MTTP: variants seen among roughly 807,000 people sequenced by gnomAD.
MTTP encodes microsomal triglyceride transfer protein.
In MTTP, 49 loss-of-function variants were observed where a neutral mutation model predicts 90.6. The observed-to-expected ratio is 0.54, with a 90% confidence interval of 0.43 to 0.69. The LOEUF is 0.69. Among genes scored for constraint, MTTP ranks in the 30% least tolerant of loss-of-function variants. The probability of loss-of-function intolerance (pLI) is 0.00; values close to 1 mark genes in which losing one functional copy is unlikely to be tolerated. For missense variants in MTTP, 945 were observed against 1,067.5 expected, an observed-to-expected ratio of 0.89 and a Z score of 1.60; for synonymous variants, 347 against 384.2, an observed-to-expected ratio of 0.90 and a Z score of 1.13.
At chr4:99,587,682 T>A (rs1725290583) in intron 3 of MTTP, among the ~76,000 whole-genome samples, 1 of 152,150 alleles carries the variant, frequency 6.6e-6, no homozygotes, top group East Asian at 1.9e-4. Flanking sequence ...CTAAAGTATT[T>A]AAGGTTCATA....
rs541274832 is a variant in MTTP at position 99,585,947 on chromosome 4, TCA to T, written c.393+2431_393+2432del. On this transcript the variant is annotated intron_variant, in intron 3 of 17. Coordinates refer to ENST00000265517, the MANE Select transcript of MTTP (RefSeq NM_001386140.1). ...AAAGATCATTACTTAAATTATCATT[TCA>T]GTTTACTATGAGAGAAATTATGGAC... is the stretch of plus-strand genomic sequence containing the variant. Among the ~76,000 whole-genome samples the T allele has an allele frequency of 3.5e-3, 531 of 152,286 alleles. 4 individuals are homozygous for T. The highest frequency in any genetic ancestry group is 6.0e-3 in the South Asian group (29 of 4,830).
chr4:99,613,221 A>C lies in MTTP; in HGVS notation c.2217+81A>C. 4 of 1,271,608 alleles carry C rather than the reference A, an allele frequency of 3.1e-6. No individual in the cohort carries two copies. The South Asian group carries it at 5.1e-5, about 16-fold the overall frequency. 78.8% of individuals were successfully genotyped at this position (1,271,608 alleles called of 1,614,324 possible). A position where few individuals can be genotyped will look rare whatever the true frequency, so the allele number is the denominator to read the frequency against. On this transcript the variant is annotated intron_variant, in intron 15 of 17. Coordinates refer to ENST00000265517, the MANE Select transcript of MTTP (RefSeq NM_001386140.1). ...TTTAAATATGCTTAGTTCTTGGAGG[A>C]TACAAGACAAAATTGTGCCCATCTT...
At chr4:99,614,648 A>G (rs376775064) in intron 15 of MTTP, among the ~76,000 whole-genome samples, 1 of 152,158 alleles carries the variant, frequency 6.6e-6, no homozygotes, top group Non-Finnish European at 1.5e-5. Flanking sequence ...TTTTGACCTC[A>G]TGCTTGTCAC....
upstream of MTTP, among the ~76,000 whole-genome samples, chr4:99,570,091 C>G (rs1724802599): frequency 6.6e-6 from 1 of 151,822 alleles, no homozygotes; most frequent in African/African-American, 2.4e-5. Context: ...TGTTTCTCCA[C>G]CATACTTTCT....
chr4:99,589,527 A>C (rs971080646), intron 3 of MTTP, 116 bp from the exon 4 acceptor site: 8 of 705,478 alleles, frequency 1.1e-5, no homozygotes, highest in Admixed American at 8.2e-5. Flanking sequence ...GGAGTGTCAG[A>C]TCTCTTTCTC....
chr4:99,584,658 G>A (rs1725213941), intron 3 of MTTP, among the ~76,000 whole-genome samples: 9 of 151,978 alleles, frequency 5.9e-5, no homozygotes, highest in Admixed American at 5.9e-4. Context: ...TGCCATTTCT[G>A]TCATAAAGTT....
In MTTP at chr4:99,619,992, C is replaced by A. The variant is rs186860669; in HGVS notation, c.2342+894C>A. 1.2e-4 allele frequency among the ~76,000 whole-genome samples: 19 copies of A among 152,306 alleles called. No individual in the cohort carries two copies. In the East Asian group the frequency reaches 2.1e-3, roughly 17 times the overall value. On this transcript the variant is annotated intron_variant, in intron 16 of 17. Coordinates refer to ENST00000265517, the MANE Select transcript of MTTP (RefSeq NM_001386140.1). ...TTTCCAAATGAAATGGAATTGAATT[C>A]TTTGCAAAGAGAAATCAACAACAGC...
chr4:99,616,463 T>A (rs1359484314), intron 15 of MTTP, among the ~76,000 whole-genome samples: 5 of 152,188 alleles, frequency 3.3e-5, no homozygotes, highest in Non-Finnish European at 7.3e-5. Context: ...TCTGGCTTCA[T>A]GTGTAGCCTC....
At chr4:99,613,716 A>G (rs1288307890) in intron 15 of MTTP, among the ~76,000 whole-genome samples, 1 of 152,224 alleles carries the variant, frequency 6.6e-6, no homozygotes. Context: ...TTCATTCTCT[A>G]GAGCCACATT....
upstream of MTTP, among the ~76,000 whole-genome samples, chr4:99,571,158 T>G (rs1724833375): frequency 6.6e-6 from 1 of 152,004 alleles, no homozygotes; most frequent in Non-Finnish European, 1.5e-5. Context: ...TTTTTTATTT[T>G]CTTATTTTGG....
In MTTP at chr4:99,594,805, C is replaced by G; in HGVS notation, c.831C>G (p.Ile277Met). Residue 277 changes from isoleucine to methionine, a missense_variant, in exon 7 of 18, where the codon ATC (isoleucine) becomes ATG (methionine). Physicochemically the swap from Ile to Met is conservative, Grantham distance 10 (BLOSUM62 1). Transcript: ENST00000265517. The stretch of plus-strand genomic sequence containing the variant: ...CTGGAAAGCAGGCTGCAGCCATAAT[C>G]AAAGCAGTTGATTCAAAGTACACGG... The part of the protein sequence containing the change: ...LMSGKQAAAI[I>M]KAVDSKYTAI... 1 of 1,614,058 alleles carries G rather than the reference C, an allele frequency of 6.2e-7. No individual in the cohort carries two copies.
chr4:99,592,903 C>T (rs1192770012), intron 6 of MTTP, among the ~76,000 whole-genome samples: 1 of 152,140 alleles, frequency 6.6e-6, no homozygotes, highest in Admixed American at 6.6e-5. Context: ...TACGTAACTG[C>T]ACGTGCTATA....
At chr4:99,577,576 G>T (rs1560612480) in intron 1 of MTTP, among the ~76,000 whole-genome samples, 1 of 135,746 alleles carries the variant, frequency 7.4e-6, no homozygotes, top group Non-Finnish European at 1.5e-5. Context: ...TTGCACTCCA[G>T]CCTGGGCAAT....
At chr4:99,618,841 A>C in intron 15 of MTTP, 133 bp from the exon 16 acceptor site, 1 of 1,205,470 alleles carries the variant, frequency 8.3e-7, no homozygotes, top group Non-Finnish European at 1.2e-6. Context: ...TTCCAAGCCT[A>C]GAGAAAGACT....
At chr4:99,593,684 G>T (rs1267338989) in intron 6 of MTTP, among the ~76,000 whole-genome samples, 1 of 152,070 alleles carries the variant, frequency 6.6e-6, no homozygotes, top group African/African-American at 2.4e-5. Context: ...GCACCAAATA[G>T]ATGCAAAATA....
At chr4:99,615,127 C>T (rs376498792) in intron 15 of MTTP, among the ~76,000 whole-genome samples, 20 of 152,272 alleles carry the variant, frequency 1.3e-4, no homozygotes, top group African/African-American at 4.6e-4. Flanking sequence ...GGATTTGAAT[C>T]GGGGTGTAAA....
At chr4:99,591,415 T>G (rs1054149888) in intron 5 of MTTP, 64 bp downstream of exon 5, 1 of 1,298,220 alleles carries the variant, frequency 7.7e-7, no homozygotes, top group Non-Finnish European at 1.1e-6. Context: ...ACTAATTTAA[T>G]GTAATAGAAA....
At chr4:99,613,191 C>A in intron 15 of MTTP, 51 bp downstream of exon 15, 1 of 1,484,210 alleles carries the variant, frequency 6.7e-7, no homozygotes, top group South Asian at 1.2e-5. Flanking sequence ...ATACGCCAGG[C>A]ACGTTTTAAA....
At chr4:99,588,371 A>G (rs1346437557) in intron 3 of MTTP, among the ~76,000 whole-genome samples, 1 of 152,116 alleles carries the variant, frequency 6.6e-6, no homozygotes, top group African/African-American at 2.4e-5. Flanking sequence ...CTCTATTTCT[A>G]AATTGTGTGA....
Sources: gnomAD v4.1 joint callset for allele counts (sites outside exome capture counted in the v4.1 genomes callset) on GRCh38, gnomAD v4.1.1 for gene constraint, MANE v1.5 for transcripts, NCBI Gene and HGNC (gene_info 2026-07-23, HGNC 2026-07-21) for gene names.